The following CALD1 variants were observed in gnomAD, a reference collection of about 807,000 sequenced individuals.
The protein encoded by CALD1 is caldesmon 1.
Under a neutral mutation model 99.9 loss-of-function variants are expected in CALD1, and 33 were observed. The observed-to-expected ratio is 0.33, with a 90% CI of 0.25 to 0.44. CALD1 has a LOEUF of 0.44. CALD1 is among the 20% of genes least tolerant of loss of function. The pLI is 1.00. For missense variants in CALD1, 861 were observed against 962.1 expected (o/e 0.89, Z 1.39); for synonymous variants, 310 against 325.0 (o/e 0.95, Z 0.50).
chr7:134,834,554 T>C lies in CALD1; in HGVS notation c.-129-9330T>C, dbSNP rs534157573. Among the ~76,000 whole-genome samples, 7 of 152,370 alleles carry C rather than the reference T, an allele frequency of 4.6e-5. 1 individual carries two copies. In the South Asian group the frequency reaches 1.2e-3, roughly 27 times the overall value. On this transcript the variant is annotated intron_variant, in intron 1 of 14. Transcript: ENST00000361675. ...CCTTGGGTAAACCATTTAACCTCTCTAGGCCTTTCTAGGTCTTATTTATAA... is the reference window on the plus strand; with the variant it reads ...CCTTGGGTAAACCATTTAACCTCTCCAGGCCTTTCTAGGTCTTATTTATAA...
At chr7:134,875,318 G>A (rs1262019014) in intron 3 of CALD1, among the ~76,000 whole-genome samples, 16 of 152,154 alleles carry the variant, frequency 1.1e-4, no homozygotes, top group Non-Finnish European at 8.8e-5. Context: ...GGTTATAGGC[G>A]TGAGTCACCA....
At chr7:134,846,130 G>A (rs1563040521) in intron 2 of CALD1, among the ~76,000 whole-genome samples, 2 of 152,208 alleles carry the variant, frequency 1.3e-5, no homozygotes, top group Non-Finnish European at 2.9e-5. Context: ...GATCAGAATG[G>A]ACAGGAGGGG....
chr7:134,805,886 G>A lies in CALD1; in HGVS notation c.-130+26137G>A, dbSNP rs183029939. 2.2e-3 allele frequency among the ~76,000 whole-genome samples: 335 copies of A among 152,146 alleles called. 4 individuals carry two copies. The highest frequency in any genetic ancestry group is 7.5e-3 in the African/African-American group (310 of 41,498). On this transcript the variant is annotated intron_variant, in intron 1 of 14. Transcript: ENST00000361675. ...AGTGATTCTCCTGCCTCAGCCTCCC[G>A]AGTAGCTGGGACTATAGACACGTGC...
At chr7:134,711,841 G>C in the CALD1 span, among the ~76,000 whole-genome samples, 1 of 151,010 alleles carries the variant, frequency 6.6e-6, no homozygotes, top group East Asian at 1.9e-4. Context: ...ATACAGAAAA[G>C]TTAAAATGGA....
chr7:134,730,360 C>G, the CALD1 span, among the ~76,000 whole-genome samples: 1 of 152,122 alleles, frequency 6.6e-6, no homozygotes, highest in Non-Finnish European at 1.5e-5. Context: ...TTTCGTTTTC[C>G]CAACCAGACC....
At chr7:134,920,494 G>T in intron 3 of CALD1, 1 of 1,110,954 alleles carries the variant, frequency 9.0e-7, no homozygotes, top group Non-Finnish European at 1.1e-6. Context: ...TTGAGGCTGT[G>T]AGCCCCAGGC....
chr7:134,747,913 G>A (rs745675075), intron 1 of CALD1, among the ~76,000 whole-genome samples: 64 of 152,218 alleles, frequency 4.2e-4, no homozygotes, highest in Admixed American at 9.2e-4. Context: ...CCTAGCATGT[G>A]ATTCCCATCT....
intron 3 of CALD1, among the ~76,000 whole-genome samples, chr7:134,900,444 G>A (rs1391682581): frequency 6.6e-6 from 1 of 152,118 alleles, no homozygotes. Context: ...GTTTTAAAGA[G>A]CAGCTGGTTG....
intron 1 of CALD1, among the ~76,000 whole-genome samples, chr7:134,757,891 TA>T (rs111753846): frequency 6.7e-4 from 94 of 140,334 alleles, no homozygotes; most frequent in Middle Eastern, 3.6e-3. Context: ...AAAATAAAAA[TA>T]AAAAAAAAAA....
intron 1 of CALD1, among the ~76,000 whole-genome samples, chr7:134,772,321 C>T (rs552828547): frequency 6.6e-6 from 1 of 152,250 alleles, no homozygotes; most frequent in South Asian, 2.1e-4. Context: ...CCTCAAACTC[C>T]TGGGCTCAAG....
rs118032160 is a variant in CALD1 at position 134,759,175 on chromosome 7, G to A, written c.-130+14812G>A. Among the ~76,000 whole-genome samples the A allele has an allele frequency of 4.3e-3, 648 of 152,276 alleles. 2 individuals are homozygous for A. Among genetic ancestry groups the A allele is most frequent in the Non-Finnish European group, 7.5e-3 (511 of 68,018 alleles). ...AGGCAATGCCCTCTAGCAAACTAGA[G>A]TCTAGAATATACTAGTAAGAGACCA... On this transcript the variant is annotated intron_variant, in intron 1 of 13. Transcript: ENST00000417172.
intron 1 of CALD1, among the ~76,000 whole-genome samples, chr7:134,758,476 T>C (rs1796748235): frequency 6.6e-6 from 1 of 151,454 alleles, no homozygotes. Context: ...TCTCCTTTCT[T>C]TTAAATATCT....
At chr7:134,925,587 A>G (rs1229705608) in intron 3 of CALD1, among the ~76,000 whole-genome samples, 1 of 152,192 alleles carries the variant, frequency 6.6e-6, no homozygotes, top group African/African-American at 2.4e-5. Flanking sequence ...ACAAAGCAGC[A>G]GAAGAGAGAA....
At chr7:134,818,776 T>G (rs1180841062) in intron 1 of CALD1, among the ~76,000 whole-genome samples, 1 of 152,210 alleles carries the variant, frequency 6.6e-6, no homozygotes, top group African/African-American at 2.4e-5. Flanking sequence ...GCGCCAGAGC[T>G]TCTGTGGGCA....
chr7:134,968,271 G>T, intron 14 of CALD1, 69 bp from the exon 15 acceptor site: 1 of 1,393,376 alleles, frequency 7.2e-7, no homozygotes, highest in Non-Finnish European at 1.0e-6. Flanking sequence ...AAAACCATCT[G>T]CCTGAAACAC....
chr7:134,812,882 T>A (rs1352487088), intron 1 of CALD1, among the ~76,000 whole-genome samples: 2 of 151,910 alleles, frequency 1.3e-5, no homozygotes, highest in South Asian at 2.1e-4. Flanking sequence ...AGCCAGTGAG[T>A]TATTAGATAG....
intron 1 of CALD1, among the ~76,000 whole-genome samples, chr7:134,834,215 G>C: frequency 6.6e-6 from 1 of 152,208 alleles, no homozygotes; most frequent in East Asian, 1.9e-4. Context: ...ACGGTTGCTT[G>C]AAGTATTTAT....
intron 2 of CALD1, among the ~76,000 whole-genome samples, chr7:134,849,225 C>T (rs972698968): frequency 2.6e-5 from 4 of 152,222 alleles, no homozygotes; most frequent in Non-Finnish European, 5.9e-5. Context: ...CAGGCATGCA[C>T]TGGCTATATC....
chr7:134,961,662 C>T (rs1274645084), intron 13 of CALD1: 1 of 152,112 alleles, frequency 6.6e-6, no homozygotes, highest in Non-Finnish European at 1.5e-5. Context: ...TGCATAAAGG[C>T]TCACAGGAGG....
Sources: gnomAD v4.1 joint callset for allele counts (sites outside exome capture counted in the v4.1 genomes callset) on GRCh38, gnomAD v4.1.1 for gene constraint, MANE v1.5 for transcripts, NCBI Gene and HGNC (gene_info 2026-07-23, HGNC 2026-07-21) for gene names.